Variants in KCNK1 observed in about 807,000 individuals in gnomAD.
KCNK1 encodes potassium two pore domain channel subfamily K member 1.
Under a neutral mutation model 22.2 loss-of-function variants are expected in KCNK1, and 10 were observed. The observed-to-expected ratio is 0.45, with a 90% CI of 0.28 to 0.76. The LOEUF is 0.76. Among genes scored for constraint, KCNK1 ranks in the 30% least tolerant of loss-of-function variants. The pLI, the probability that KCNK1 is intolerant of heterozygous loss-of-function variation, is 0.14. For synonymous variants in KCNK1, 200 were observed against 186.4 expected (o/e 1.07, Z -0.60); for missense variants, 378 against 421.0 (o/e 0.90, Z 0.89).
At chr1:233,648,830 G>A (rs1658148502) in intron 1 of KCNK1, among the ~76,000 whole-genome samples, 1 of 152,188 alleles carries the variant, frequency 6.6e-6, no homozygotes, top group Non-Finnish European at 1.5e-5. Context: ...GCCCCCCAAA[G>A]TGCTGGGATT....
intron 1 of KCNK1, among the ~76,000 whole-genome samples, chr1:233,638,232 T>A (rs2102893286): frequency 6.6e-6 from 1 of 152,264 alleles, no homozygotes; most frequent in African/African-American, 2.4e-5. Flanking sequence ...CCAGTATTCC[T>A]GCCCTGGACA....
intron 1 of KCNK1, among the ~76,000 whole-genome samples, chr1:233,621,059 A>G (rs1329820283): frequency 1.3e-5 from 2 of 152,212 alleles, no homozygotes; most frequent in African/African-American, 4.8e-5. Flanking sequence ...GAATGCAGTT[A>G]TGTCTAAGAA....
At position 233,614,518 on chromosome 1, in the gene KCNK1, C is replaced by T. The variant is rs1274747250; in HGVS notation, c.347C>T (p.Ser116Phe). 3.8e-6 allele frequency: 6 copies of T among 1,592,698 alleles called. No homozygotes were observed. The highest frequency in any genetic ancestry group is 4.3e-6 in the Non-Finnish European group (5 of 1,168,880). ...CTCTTCTTCGCCAGCACCGTGCTCT[C>T]CACCACAGGTAGGGTATCCTGCGCG... ...SALFFASTVLSTTGYGHTVPL... is the reference protein window; with the variant it reads ...SALFFASTVLFTTGYGHTVPL... Residue 116 changes from serine to phenylalanine, a missense_variant, in exon 1 of 3, where the codon TCC (serine) becomes TTC (phenylalanine). By Grantham distance (155) the Ser-to-Phe change is radical. Coordinates refer to ENST00000366621, the MANE Select transcript of KCNK1 (RefSeq NM_002245.4).
At chr1:233,662,723 G>A (rs780080) in intron 1 of KCNK1, among the ~76,000 whole-genome samples, 1 of 152,188 alleles carries the variant, frequency 6.6e-6, no homozygotes, top group South Asian at 2.1e-4. Flanking sequence ...CTCATAACAG[G>A]AAACCCAGCA....
intron 1 of KCNK1, among the ~76,000 whole-genome samples, chr1:233,648,170 A>T (rs1018200996): frequency 1.3e-5 from 2 of 152,212 alleles, no homozygotes; most frequent in African/African-American, 4.8e-5. Flanking sequence ...ATGTGGTAAG[A>T]TATACTTGTA....
chr1:233,626,856 T>C (rs1248804907), intron 1 of KCNK1, among the ~76,000 whole-genome samples: 2 of 152,196 alleles, frequency 1.3e-5, no homozygotes, highest in Admixed American at 1.3e-4. Context: ...ATTTAGTATT[T>C]GATATAATCG....
chr1:233,667,678 C>G (rs1466666814), intron 2 of KCNK1, among the ~76,000 whole-genome samples: 1 of 131,562 alleles, frequency 7.6e-6, no homozygotes, highest in Non-Finnish European at 1.5e-5. Flanking sequence ...TGCAGTGAGC[C>G]GAGATCGCGC....
intron 2 of KCNK1, among the ~76,000 whole-genome samples, chr1:233,669,977 T>C (rs1267457266): frequency 6.6e-6 from 1 of 152,234 alleles, no homozygotes; most frequent in Non-Finnish European, 1.5e-5. Context: ...AGTTTCCTTA[T>C]TCCTGTTATG....
chr1:233,614,324 G>T lies in KCNK1; in HGVS notation c.153G>T (p.Leu51=). 1 of 1,611,990 alleles carries T rather than the reference G, an allele frequency of 6.2e-7. No individual in the cohort carries two copies. Among genetic ancestry groups the T allele is most frequent in the South Asian group, 1.1e-5 (1 of 90,536 alleles). Residue 51 remains leucine (L), a synonymous_variant, in exon 1 of 3, where the codon CTG becomes CTT. Coordinates refer to ENST00000366621, the MANE Select transcript of KCNK1 (RefSeq NM_002245.4). The stretch of plus-strand genomic sequence containing the variant: ...CGGTGGAGCTGCCCTATGAGGACCT[G>T]CTGCGCCAGGAGCTGCGCAAGCTGA... ...FSSVELPYED[L]LRQELRKLKR... is the part of the protein sequence containing the mutation.
chr1:233,626,444 G>A (rs768687248), intron 1 of KCNK1, among the ~76,000 whole-genome samples: 6 of 152,256 alleles, frequency 3.9e-5, no homozygotes, highest in East Asian at 1.9e-4. Context: ...ACCCTAATGG[G>A]GCGTGATGAG....
intron 1 of KCNK1, among the ~76,000 whole-genome samples, chr1:233,661,352 A>G (rs919440562): frequency 6.6e-6 from 1 of 152,334 alleles, no homozygotes; most frequent in Middle Eastern, 3.4e-3. Flanking sequence ...GATGTCCACT[A>G]TAAGGTAAAG....
intron 1 of KCNK1, among the ~76,000 whole-genome samples, chr1:233,643,641 G>T (rs960963554): frequency 1.3e-5 from 2 of 151,852 alleles, no homozygotes; most frequent in Admixed American, 1.3e-4. Flanking sequence ...TGCCCACCAG[G>T]TCTTAGACCA....
intron 1 of KCNK1, among the ~76,000 whole-genome samples, chr1:233,618,121 A>G (rs961560717): frequency 1.3e-5 from 2 of 152,200 alleles, no homozygotes; most frequent in Admixed American, 1.3e-4. Flanking sequence ...GCAGAGCTTC[A>G]GGGAAGAAGG....
In KCNK1 at chr1:233,666,969, C is replaced by T. The variant is rs776795446; in HGVS notation, c.730C>T (p.Leu244Phe). Reference sequence around the variant, plus strand: ...AGGCTACAATCAAAAATTCAGAGAGCTCTATAAGATTGGGATCACGTGTGA... The same window carrying T: ...AGGCTACAATCAAAAATTCAGAGAGTTCTATAAGATTGGGATCACGTGTGA... ...GEGYNQKFRE[L>F]YKIGITCYLL... The change falls in exon 2 of 3, where the codon CTC becomes TTC. Residue 244 changes from leucine (L) to phenylalanine (F), a missense_variant. Physicochemically the swap from Leu to Phe is conservative, Grantham distance 22. Transcript: ENST00000366621. 4.3e-6 allele frequency: 7 copies of T among 1,611,994 alleles called. No individual in the cohort carries two copies. Among genetic ancestry groups the T allele is most frequent in the Non-Finnish European group, 5.1e-6 (6 of 1,179,154 alleles).
At chr1:233,670,968 T>C (rs919416108) in intron 2 of KCNK1, among the ~76,000 whole-genome samples, 2 of 152,198 alleles carry the variant, frequency 1.3e-5, no homozygotes, top group East Asian at 1.9e-4. Context: ...CAGTATGTTA[T>C]GTGTCTTTAA....
chr1:233,629,869 G>C (rs1657760595), intron 1 of KCNK1: 1 of 152,218 alleles, frequency 6.6e-6, no homozygotes. Context: ...GGCCCTGGAC[G>C]GCCGCACCAA....
chr1:233,644,318 G>A (rs1168988268), intron 1 of KCNK1, among the ~76,000 whole-genome samples: 1 of 152,058 alleles, frequency 6.6e-6, no homozygotes, highest in Non-Finnish European at 1.5e-5. Flanking sequence ...ATGAATTGTG[G>A]GGGACACGGT....
intron 1 of KCNK1, among the ~76,000 whole-genome samples, chr1:233,665,670 A>G (rs1299988537): frequency 6.8e-6 from 1 of 147,604 alleles, no homozygotes; most frequent in African/African-American, 2.5e-5. Context: ...TTTTGCAACA[A>G]AGAGTCTTCA....
chr1:233,665,987 G>A (rs1231492484), intron 1 of KCNK1, among the ~76,000 whole-genome samples: 6 of 152,226 alleles, frequency 3.9e-5, no homozygotes, highest in African/African-American at 1.4e-4. Flanking sequence ...GCTTGATCCT[G>A]TGACATGGCA....
Sources: allele counts gnomAD v4.1 joint callset (sites outside exome capture counted in the v4.1 genomes callset), GRCh38; gene constraint gnomAD v4.1.1; transcripts MANE v1.5; gene names NCBI Gene and HGNC (gene_info 2026-07-23, HGNC 2026-07-21).